Variants in ABLIM1 observed in about 807,000 individuals in gnomAD.
ABLIM1 encodes actin binding LIM protein 1.
In ABLIM1, 40 loss-of-function variants were observed where a neutral mutation model predicts 107.0. That is an observed-to-expected ratio of 0.37 (90% CI 0.29 to 0.49). The LOEUF is 0.49. Among genes scored for constraint, ABLIM1 ranks in the 20% least tolerant of loss-of-function variants. ABLIM1 has a pLI of 0.97. For synonymous variants in ABLIM1, 357 were observed against 357.3 expected (o/e 1.00, Z 0.01); for missense variants, 857 against 1,008.5 (o/e 0.85, Z 2.04).
chr10:114,581,584 G>C (rs1469068253), intron 2 of ABLIM1, among the ~76,000 whole-genome samples: 1 of 152,140 alleles, frequency 6.6e-6, no homozygotes, highest in Non-Finnish European at 1.5e-5. Context: ...GTAAGAGAGA[G>C]GGGGATGCTA....
rs570628348 is a variant in ABLIM1 at position 114,442,899 on chromosome 10, C to T, written c.1934-1113G>A. ...TCTCACCCAGGCTGGAGTGCAGTGG[C>T]GCAATCTTGGCTCAATGTAAGCTCA... On this transcript the variant is annotated intron_variant, in intron 17 of 22. Coordinates refer to ENST00000533213, the MANE Select transcript of ABLIM1 (RefSeq NM_002313.7). 5.3e-5 allele frequency among the ~76,000 whole-genome samples: 8 copies of T among 151,150 alleles called. No individual in the cohort carries two copies. The East Asian group carries it at 7.8e-4, about 15-fold the overall frequency.
At chr10:114,575,381 G>A (rs1258830840) in intron 3 of ABLIM1, 35 bp downstream of exon 3, 2 of 1,600,796 alleles carry the variant, frequency 1.2e-6, no homozygotes, top group African/African-American at 2.7e-5. Flanking sequence ...TCTGTTGGAG[G>A]AAGGTGTAGG....
At chr10:114,767,931 G>C (rs567304001) in intron 1 of ABLIM1, 1 of 326,136 alleles carries the variant, frequency 3.1e-6, no homozygotes, top group Non-Finnish European at 6.1e-6. Flanking sequence ...CGGCAGCCCC[G>C]AGCCCGGGGA....
chr10:114,439,865 C>G, intron 20 of ABLIM1: 1 of 685,988 alleles, frequency 1.5e-6, no homozygotes, highest in South Asian at 2.0e-5. Context: ...CCCCCTACAC[C>G]TGGCCTGGTT....
chr10:114,582,269 C>T (rs1229921603), intron 2 of ABLIM1, among the ~76,000 whole-genome samples: 2 of 151,936 alleles, frequency 1.3e-5, no homozygotes, highest in African/African-American at 4.8e-5. Flanking sequence ...TTTACAATAG[C>T]CACACACACA....
In ABLIM1 at chr10:114,483,166, C is replaced by T. The variant is rs7899950; in HGVS notation, c.1041+4792G>A. 7.9e-5 allele frequency among the ~76,000 whole-genome samples: 12 copies of T among 152,118 alleles called. No individual in the cohort carries two copies. The South Asian group carries it at 1.0e-3, about 13-fold the overall frequency. On this transcript the variant is annotated intron_variant, in intron 8 of 22. Coordinates refer to ENST00000533213, the MANE Select transcript of ABLIM1 (RefSeq NM_002313.7). Reference sequence around the variant, plus strand: ...ATCATATCATAGGAACCCAGTATCACGGGACAACGCAAGGCACTGAGGCCT... The same window carrying T: ...ATCATATCATAGGAACCCAGTATCATGGGACAACGCAAGGCACTGAGGCCT...
chr10:114,469,353 A>C (rs1004762122), intron 10 of ABLIM1, among the ~76,000 whole-genome samples: 1 of 152,070 alleles, frequency 6.6e-6, no homozygotes, highest in Non-Finnish European at 1.5e-5. Context: ...CGCCAATCTC[A>C]CTATCATTCA....
chr10:114,750,214 A>G (rs2082480649), intron 1 of ABLIM1, among the ~76,000 whole-genome samples: 1 of 152,222 alleles, frequency 6.6e-6, no homozygotes, highest in African/African-American at 2.4e-5. Flanking sequence ...TACTATTCAG[A>G]TGGTAACAGT....
intron 7 of ABLIM1, among the ~76,000 whole-genome samples, chr10:114,491,012 G>GTGTGTGTGTGTATATATATATATATATA: frequency 1.7e-3 from 157 of 92,270 alleles, no homozygotes; most frequent in East Asian, 0.015. Flanking sequence ...GTGTGTGTGT[G>GTGTGTGTGTGTATATATATATATATATA]TATATATATA....
intron 1 of ABLIM1, among the ~76,000 whole-genome samples, chr10:114,636,956 C>A (rs2078509768): frequency 6.6e-6 from 1 of 151,352 alleles, no homozygotes; most frequent in South Asian, 2.1e-4. Flanking sequence ...TCGCTTGAAC[C>A]CAGGAGGCAG....
chr10:114,668,880 AG>A (rs1040210712), intron 1 of ABLIM1, among the ~76,000 whole-genome samples: 4 of 152,224 alleles, frequency 2.6e-5, no homozygotes, highest in African/African-American at 9.6e-5. Flanking sequence ...TCAGAGCAGG[AG>A]GGATAGCTTT....
rs1456862686 is a variant in ABLIM1, at chr10:114,629,114, G to A, written c.245-27153C>T. Reference sequence around the variant, plus strand: ...TGGTCAGGAGAACAAAAGATAATAAGGTCAAAGGATGTCAGCAAATGCCAC... The same window carrying A: ...TGGTCAGGAGAACAAAAGATAATAAAGTCAAAGGATGTCAGCAAATGCCAC... On this transcript the variant is annotated intron_variant, in intron 1 of 22. Transcript: ENST00000533213. The surrounding 1 kb of genome is among the most constrained non-coding windows in gnomAD (Gnocchi z 4.0). Among the ~76,000 whole-genome samples, 6 of 152,198 alleles carry A rather than the reference G, an allele frequency of 3.9e-5. No individual in the cohort carries two copies. The highest frequency in any genetic ancestry group is 3.9e-4 in the Admixed American group (6 of 15,272).
At chr10:114,766,430 AACTC>A (rs1447593927) in intron 1 of ABLIM1, among the ~76,000 whole-genome samples, 1 of 152,146 alleles carries the variant, frequency 6.6e-6, no homozygotes, top group Non-Finnish European at 1.5e-5. Flanking sequence ...AATGTTTGAG[AACTC>A]AGTCCCATTC....
intron 1 of ABLIM1, among the ~76,000 whole-genome samples, chr10:114,630,117 A>G (rs1388833484): frequency 6.6e-6 from 1 of 152,232 alleles, no homozygotes; most frequent in African/African-American, 2.4e-5. Context: ...AGACTTAGAA[A>G]AAGAGCTGCT....
intron 6 of ABLIM1, among the ~76,000 whole-genome samples, chr10:114,494,039 G>C (rs1004072336): frequency 1.3e-5 from 2 of 152,156 alleles, no homozygotes; most frequent in Non-Finnish European, 2.9e-5. Context: ...AAGTACTTTA[G>C]TATGGGCATG....
intron 1 of ABLIM1, among the ~76,000 whole-genome samples, chr10:114,709,113 C>A (rs2081488237): frequency 6.6e-6 from 1 of 152,148 alleles, no homozygotes; most frequent in African/African-American, 2.4e-5. Flanking sequence ...GCTATTACTG[C>A]AAATTGTGGA....
In ABLIM1 at chr10:114,629,382, G is replaced by T. The variant is rs2078023287; in HGVS notation, c.245-27421C>A. ...AGCTCCACAGGGAAGGAAGGAGCTA[G>T]GCTTTTCTGAGAACAAGAATAAATG... On this transcript the variant is annotated intron_variant, in intron 1 of 22. Coordinates refer to ENST00000533213, the MANE Select transcript of ABLIM1 (RefSeq NM_002313.7). The surrounding 1 kb of genome is among the most constrained non-coding windows in gnomAD (Gnocchi z 4.0). Among the ~76,000 whole-genome samples, 1 of 152,198 alleles carries T rather than the reference G, an allele frequency of 6.6e-6. No homozygotes were observed. The highest frequency in any genetic ancestry group is 1.5e-5 in the Non-Finnish European group (1 of 68,044).
At chr10:114,681,279 T>G (rs2080737213) in intron 1 of ABLIM1, among the ~76,000 whole-genome samples, 1 of 152,322 alleles carries the variant, frequency 6.6e-6, no homozygotes, top group East Asian at 1.9e-4. Context: ...CAACGCAACC[T>G]CCGCCTCTTG....
At chr10:114,631,261 A>G (rs2078153936) in intron 1 of ABLIM1, among the ~76,000 whole-genome samples, 2 of 152,220 alleles carry the variant, frequency 1.3e-5, no homozygotes, top group African/African-American at 4.8e-5. Context: ...TAGTGCATAA[A>G]TGATGTACAC....
Sources: gnomAD v4.1 joint callset for allele counts (sites outside exome capture counted in the v4.1 genomes callset) on GRCh38, gnomAD v4.1.1 for gene constraint, Gnocchi (gnomAD v3.1) non-coding constraint, MANE v1.5 for transcripts, NCBI Gene and HGNC (gene_info 2026-07-23, HGNC 2026-07-21) for gene names.